NPAS3: variants seen among roughly 807,000 people sequenced by gnomAD.
The protein encoded by NPAS3 is neuronal PAS domain-containing protein 3.
Under a neutral mutation model 73.1 loss-of-function variants are expected in NPAS3, and 14 were observed. The ratio of observed to expected loss-of-function variants is 0.19; its 90% CI spans 0.13 to 0.30. NPAS3 has a LOEUF of 0.30. Among genes scored for constraint, NPAS3 ranks in the 10% least tolerant of loss-of-function variants. The pLI is 1.00. For missense variants in NPAS3, 1,096 were observed against 1,250.0 expected, an observed-to-expected ratio of 0.88 and a Z score of 1.86; for synonymous variants, 620 against 541.5, an observed-to-expected ratio of 1.14 and a Z score of -2.01.
chr14:33,502,333 G>A (rs1481260921), intron 4 of NPAS3, among the ~76,000 whole-genome samples: 1 of 151,482 alleles, frequency 6.6e-6, no homozygotes, highest in Non-Finnish European at 1.5e-5. Context: ...AGTGGAGAAG[G>A]ATCCTTCTAT....
In NPAS3 at chr14:33,505,644, T is replaced by G. The variant is rs1158583796; in HGVS notation, c.469-54477T>G. On this transcript the variant is annotated intron_variant, in intron 4 of 11. Transcript: ENST00000356141. ...CCATAGTCAAATCAGCAAGCTGTAT[T>G]TGTCTTATTTGTTTATTTATTCAAA... 2.6e-5 allele frequency among the ~76,000 whole-genome samples: 4 copies of G among 152,050 alleles called. No individual in the cohort carries two copies. The South Asian group carries it at 8.3e-4, about 31-fold the overall frequency.
chr14:33,347,476 A>G (rs1174112789), intron 3 of NPAS3, among the ~76,000 whole-genome samples: 1 of 152,278 alleles, frequency 6.6e-6, no homozygotes, highest in Non-Finnish European at 1.5e-5. Context: ...ATAAGTGCTT[A>G]AAGCAGACTA....
intron 4 of NPAS3, among the ~76,000 whole-genome samples, chr14:33,410,062 T>C (rs926179951): frequency 2.0e-5 from 3 of 152,176 alleles, no homozygotes; most frequent in African/African-American, 7.2e-5. Flanking sequence ...AATCACTGCA[T>C]AAATAGATTT....
chr14:33,713,160 A>T (rs2060868982), intron 6 of NPAS3, among the ~76,000 whole-genome samples: 2 of 152,342 alleles, frequency 1.3e-5, no homozygotes, highest in South Asian at 4.1e-4. Context: ...AACAGAGATT[A>T]GTTCAATTCT....
chr14:33,405,424 C>T (rs1033937930), intron 4 of NPAS3, among the ~76,000 whole-genome samples: 12 of 152,024 alleles, frequency 7.9e-5, no homozygotes, highest in Admixed American at 1.3e-4. Flanking sequence ...AGAGCATTTC[C>T]TTCTCCCATA....
At chr14:33,336,500 C>T (rs1040380174) in intron 3 of NPAS3, among the ~76,000 whole-genome samples, 1 of 152,158 alleles carries the variant, frequency 6.6e-6, no homozygotes, top group African/African-American at 2.4e-5. Flanking sequence ...AAGTTCACCA[C>T]CTGGTTGGTT....
At chr14:33,506,150 T>C (rs1213650964) in intron 4 of NPAS3, among the ~76,000 whole-genome samples, 1 of 152,042 alleles carries the variant, frequency 6.6e-6, no homozygotes, top group Admixed American at 6.6e-5. Flanking sequence ...CAAAATACTA[T>C]ACATTTATTT....
intron 4 of NPAS3, among the ~76,000 whole-genome samples, chr14:33,529,826 C>T (rs1294742570): frequency 6.6e-6 from 1 of 151,862 alleles, no homozygotes; most frequent in East Asian, 1.9e-4. Flanking sequence ...AGAAAGGCAC[C>T]GTTTCACTTG....
chr14:33,133,888 T>C (rs557582485), intron 2 of NPAS3, among the ~76,000 whole-genome samples: 52 of 152,296 alleles, frequency 3.4e-4, no homozygotes, highest in African/African-American at 1.2e-3. Context: ...TGGATTGTGG[T>C]CCAAAAGCTG....
chr14:33,406,513 T>A (rs2138824876), intron 4 of NPAS3, among the ~76,000 whole-genome samples: 1 of 152,268 alleles, frequency 6.6e-6, no homozygotes, highest in Admixed American at 6.5e-5. Flanking sequence ...CAGGGGCATC[T>A]AACAGAAGAC....
At chr14:33,374,898 A>T (rs2046252098) in intron 4 of NPAS3, among the ~76,000 whole-genome samples, 1 of 152,158 alleles carries the variant, frequency 6.6e-6, no homozygotes, top group African/African-American at 2.4e-5. Context: ...CCAAGTCAAC[A>T]TGCCTTTTAC....
At chr14:33,773,641 C>T (rs2062723642) in intron 7 of NPAS3, among the ~76,000 whole-genome samples, 1 of 152,136 alleles carries the variant, frequency 6.6e-6, no homozygotes, top group Non-Finnish European at 1.5e-5. Flanking sequence ...TTCCTATTTC[C>T]AGGCAAATAC....
At chr14:32,978,496 G>T (rs2037778337) in intron 1 of NPAS3, among the ~76,000 whole-genome samples, 1 of 152,226 alleles carries the variant, frequency 6.6e-6, no homozygotes, top group South Asian at 2.1e-4. Context: ...GGGGTTATGG[G>T]GTTTGTGTAT....
intron 1 of NPAS3, among the ~76,000 whole-genome samples, chr14:32,968,845 A>ACT: frequency 6.6e-6 from 1 of 151,416 alleles, no homozygotes; most frequent in Admixed American, 6.6e-5. Context: ...ACATAGGTAA[A>ACT]TGTGCGCCAT....
At chr14:33,443,107 A>G (rs907982343) in intron 4 of NPAS3, among the ~76,000 whole-genome samples, 6 of 152,222 alleles carry the variant, frequency 3.9e-5, no homozygotes, top group Non-Finnish European at 8.8e-5. Context: ...CTCAGTTAAC[A>G]CTGAATTCCT....
chr14:33,572,945 C>T (rs1020459622), intron 5 of NPAS3, among the ~76,000 whole-genome samples: 3 of 148,458 alleles, frequency 2.0e-5, no homozygotes, highest in Non-Finnish European at 4.4e-5. Flanking sequence ...ATCGCTTAAC[C>T]CCGGGAAGCG....
chr14:33,542,104 A>T (rs183418317), intron 4 of NPAS3, among the ~76,000 whole-genome samples: 1 of 152,090 alleles, frequency 6.6e-6, no homozygotes, highest in Non-Finnish European at 1.5e-5. Context: ...TTGGCTGCAA[A>T]TTTCAGTTTT....
chr14:33,778,520 C>T, exon 9 of NPAS3: 1 of 1,613,954 alleles, frequency 6.2e-7, no homozygotes, highest in Non-Finnish European at 8.5e-7. Flanking sequence ...AGAGATGCTA[C>T]CACTTCATCC....
At chr14:33,383,588 T>A (rs1485772472) in intron 4 of NPAS3, among the ~76,000 whole-genome samples, 1 of 152,190 alleles carries the variant, frequency 6.6e-6, no homozygotes, top group Non-Finnish European at 1.5e-5. Flanking sequence ...TCTGATTACT[T>A]ACATTTGGTT....
Sources: allele counts gnomAD v4.1 joint callset (sites outside exome capture counted in the v4.1 genomes callset), GRCh38; gene constraint gnomAD v4.1.1; transcripts MANE v1.5; gene names NCBI Gene and HGNC (gene_info 2026-07-23, HGNC 2026-07-21).